DLG2: variants seen among roughly 807,000 people sequenced by gnomAD.
The protein encoded by DLG2 is disks large homolog 2.
DLG2 carries 45 observed loss-of-function variants against 132.5 expected under a neutral mutation model. The observed-to-expected ratio is 0.34, with a 90% confidence interval of 0.27 to 0.44. The LOEUF is 0.44. DLG2 is among the 20% of genes least tolerant of loss of function. The probability of loss-of-function intolerance (pLI) is 1.00; values close to 1 mark genes in which losing one functional copy is unlikely to be tolerated. For missense variants in DLG2, 1,045 were observed against 1,196.9 expected (o/e 0.87, Z 1.87); for synonymous variants, 424 against 419.6 (o/e 1.01, Z -0.13).
At chr11:84,476,209 A>T (rs1181354792) in intron 7 of DLG2, among the ~76,000 whole-genome samples, 1 of 152,130 alleles carries the variant, frequency 6.6e-6, no homozygotes, top group Non-Finnish European at 1.5e-5. Flanking sequence ...AGTTCAACTC[A>T]CATCTATCTG....
chr11:84,251,403 A>G, intron 7 of DLG2, 112 bp from the exon 8 acceptor site: 1 of 720,912 alleles, frequency 1.4e-6, no homozygotes, highest in Non-Finnish European at 2.2e-6. Flanking sequence ...GAGGACCTCT[A>G]CAGGCACCGT....
At chr11:83,577,834 TA>T (rs1367658417) in intron 19 of DLG2, among the ~76,000 whole-genome samples, 1 of 126,744 alleles carries the variant, frequency 7.9e-6, no homozygotes, top group African/African-American at 3.0e-5. Flanking sequence ...ATTAAATATA[TA>T]TTATATAATT....
intron 6 of DLG2, among the ~76,000 whole-genome samples, chr11:84,603,133 T>C (rs1055882930): frequency 6.6e-6 from 1 of 151,958 alleles, no homozygotes; most frequent in African/African-American, 2.4e-5. Flanking sequence ...AATTAATTGC[T>C]CTGTTCATGG....
intron 7 of DLG2, among the ~76,000 whole-genome samples, chr11:84,431,443 A>G (rs1393341925): frequency 6.6e-6 from 1 of 152,154 alleles, no homozygotes; most frequent in Non-Finnish European, 1.5e-5. Context: ...AGACATATAA[A>G]TATATAGTGG....
chr11:85,504,521 G>A (rs547526466), intron 3 of DLG2, among the ~76,000 whole-genome samples: 1 of 152,302 alleles, frequency 6.6e-6, no homozygotes, highest in Admixed American at 6.5e-5. Flanking sequence ...TCAGATGGTT[G>A]TAGATGTGTG....
At chr11:83,970,342 A>C (rs1382792563) in intron 12 of DLG2, among the ~76,000 whole-genome samples, 1 of 152,206 alleles carries the variant, frequency 6.6e-6, no homozygotes, top group African/African-American at 2.4e-5. Flanking sequence ...ACCACGAGGA[A>C]AATTTTTAGA....
At chr11:85,030,966 T>A (rs2060950246) in intron 6 of DLG2, among the ~76,000 whole-genome samples, 1 of 152,028 alleles carries the variant, frequency 6.6e-6, no homozygotes. Context: ...AATTTTATTT[T>A]ATTTTAGATT....
intron 6 of DLG2, among the ~76,000 whole-genome samples, chr11:85,091,865 A>C (rs1370768283): frequency 6.6e-6 from 1 of 152,164 alleles, no homozygotes; most frequent in Non-Finnish European, 1.5e-5. Context: ...AAAGTCATTA[A>C]TGAAGGTTGG....
chr11:85,238,209 A>T (rs763332248), intron 4 of DLG2, among the ~76,000 whole-genome samples: 2,009 of 9,456 alleles, frequency 0.21, 47 homozygotes, highest in African/African-American at 0.37. Flanking sequence ...TTTTTATTTT[A>T]TTTATTTATT....
chr11:85,416,147 G>A (rs962038679), intron 3 of DLG2, among the ~76,000 whole-genome samples: 1 of 152,164 alleles, frequency 6.6e-6, no homozygotes, highest in African/African-American at 2.4e-5. Context: ...CCCATTGGTT[G>A]CTTTCGTCAG....
chr11:84,861,179 G>A (rs1438227463), intron 6 of DLG2, among the ~76,000 whole-genome samples: 1 of 152,108 alleles, frequency 6.6e-6, no homozygotes, highest in African/African-American at 2.4e-5. Flanking sequence ...ATTTCCAGTG[G>A]TGGGAATATA....
chr11:84,618,407 T>C (rs945053986), intron 6 of DLG2, among the ~76,000 whole-genome samples: 1 of 152,068 alleles, frequency 6.6e-6, no homozygotes, highest in Admixed American at 6.6e-5. Context: ...TTTTAATACA[T>C]TCTAACCATC....
At chr11:85,180,039 C>G (rs760493776) in intron 4 of DLG2, among the ~76,000 whole-genome samples, 3 of 151,806 alleles carry the variant, frequency 2.0e-5, no homozygotes, top group Non-Finnish European at 4.4e-5. Flanking sequence ...TTCTATTCTG[C>G]TAAGACTCAA....
At chr11:85,380,297 T>A (rs1373526053) in intron 3 of DLG2, among the ~76,000 whole-genome samples, 3 of 152,242 alleles carry the variant, frequency 2.0e-5, no homozygotes, top group African/African-American at 7.2e-5. Flanking sequence ...TGCATCGAAA[T>A]ACGTTCCATA....
intron 15 of DLG2, among the ~76,000 whole-genome samples, chr11:83,902,448 C>A (rs1034904380): frequency 6.6e-6 from 1 of 152,184 alleles, no homozygotes; most frequent in Non-Finnish European, 1.5e-5. Flanking sequence ...CTCTTACTCA[C>A]CAATCAGCCT....
At position 85,472,771 on chromosome 11, in the gene DLG2, C is replaced by A. The variant is rs191808185; in HGVS notation, c.40+125886G>T. On this transcript the variant is annotated intron_variant, in intron 3 of 27. Transcript: ENST00000376104. ...GTACTCCACCAGCACCAGACAGCCACCCCATGCAACAGGAAACAAGGTGCC... is the reference window on the plus strand; with the variant it reads ...GTACTCCACCAGCACCAGACAGCCAACCCATGCAACAGGAAACAAGGTGCC... 5.3e-5 allele frequency among the ~76,000 whole-genome samples: 8 copies of A among 152,362 alleles called. No homozygotes were observed. The East Asian group carries it at 9.6e-4, about 18-fold the overall frequency.
At chr11:84,970,982 C>T (rs2054021481) in intron 6 of DLG2, among the ~76,000 whole-genome samples, 1 of 152,032 alleles carries the variant, frequency 6.6e-6, no homozygotes, top group African/African-American at 2.4e-5. Flanking sequence ...TTGTAATTCA[C>T]TAGATTTTAA....
At chr11:83,758,260 C>T (rs567373797) in intron 18 of DLG2, among the ~76,000 whole-genome samples, 1 of 152,092 alleles carries the variant, frequency 6.6e-6, no homozygotes, top group Non-Finnish European at 1.5e-5. Flanking sequence ...TCTAGTTCAG[C>T]CTTCTTGGTC....
intron 7 of DLG2, among the ~76,000 whole-genome samples, chr11:84,531,606 G>A (rs2099341201): frequency 6.6e-6 from 1 of 152,168 alleles, no homozygotes; most frequent in Non-Finnish European, 1.5e-5. Flanking sequence ...CCCCAGTGTA[G>A]AAATCCTTGA....
Sources: gnomAD v4.1 joint callset for allele counts (sites outside exome capture counted in the v4.1 genomes callset) on GRCh38, gnomAD v4.1.1 for gene constraint, MANE v1.5 for transcripts, NCBI Gene and HGNC (gene_info 2026-07-23, HGNC 2026-07-21) for gene names.